Variants in PHACTR1 observed in about 807,000 individuals in gnomAD.
The protein encoded by PHACTR1 is RPEL repeat containing 1.
In PHACTR1, 16 loss-of-function variants were observed where a neutral mutation model predicts 69.2. That is an observed-to-expected ratio of 0.23 (90% confidence interval 0.16 to 0.35). The LOEUF (loss-of-function observed/expected upper bound fraction) is 0.35. PHACTR1 is among the 10% of genes least tolerant of loss of function. The pLI is 1.00. For synonymous variants in PHACTR1, 312 were observed against 284.5 expected, an observed-to-expected ratio of 1.10 and a Z score of -0.97; for missense variants, 510 against 734.7, an observed-to-expected ratio of 0.69 and a Z score of 3.54.
Position 12,841,580 on chromosome 6 carries a change from A to G in PHACTR1, c.250+91790A>G, listed in dbSNP as rs1406360685. 3.3e-5 allele frequency among the ~76,000 whole-genome samples: 5 copies of G among 152,360 alleles called. No homozygotes were observed. In the East Asian group the frequency reaches 9.6e-4, roughly 29 times the overall value. On this transcript the variant is annotated intron_variant, in intron 4 of 14. Coordinates refer to ENST00000332995, the MANE Select transcript of PHACTR1 (RefSeq NM_030948.6). Reference sequence around the variant, plus strand: ...AAGAAATATTTTTTAAATGCTGATGACTAAATGGAAAATCAAATTTCCAGC... The same window carrying G: ...AAGAAATATTTTTTAAATGCTGATGGCTAAATGGAAAATCAAATTTCCAGC...
chr6:13,210,148 C>T (rs751542321), intron 8 of PHACTR1, among the ~76,000 whole-genome samples: 17 of 152,208 alleles, frequency 1.1e-4, no homozygotes, highest in Middle Eastern at 3.4e-3. Context: ...GCTGGGATCA[C>T]GGGTGCACGC....
chr6:13,008,264 C>A (rs1259762068), intron 4 of PHACTR1, among the ~76,000 whole-genome samples: 2 of 152,148 alleles, frequency 1.3e-5, no homozygotes, highest in African/African-American at 4.8e-5. Context: ...GCGGGGCAAT[C>A]AAAGCTTGTC....
chr6:13,052,972 G>C (rs1270205896), intron 4 of PHACTR1, among the ~76,000 whole-genome samples: 1 of 152,228 alleles, frequency 6.6e-6, no homozygotes, highest in African/African-American at 2.4e-5. Context: ...TCAGTAGACA[G>C]TGCTGTAGTG....
chr6:13,003,044 GT>G (rs1798280102), intron 4 of PHACTR1, among the ~76,000 whole-genome samples: 1 of 152,132 alleles, frequency 6.6e-6, no homozygotes, highest in Non-Finnish European at 1.5e-5. Context: ...AGATTTGAAG[GT>G]TTATCTTCAT....
intron 4 of PHACTR1, among the ~76,000 whole-genome samples, chr6:12,925,389 C>T (rs571345000): frequency 6.6e-6 from 1 of 152,170 alleles, no homozygotes; most frequent in Non-Finnish European, 1.5e-5. Flanking sequence ...CTCGTTAAAC[C>T]TAAGAACACT....
chr6:13,183,980 C>T (rs774734050), intron 7 of PHACTR1, among the ~76,000 whole-genome samples: 1 of 152,136 alleles, frequency 6.6e-6, no homozygotes. Context: ...CAATGCAGTG[C>T]AAAGAGAAAT....
chr6:13,128,793 C>T (rs1387975616), intron 5 of PHACTR1, among the ~76,000 whole-genome samples: 6 of 152,126 alleles, frequency 3.9e-5, no homozygotes, highest in Non-Finnish European at 5.9e-5. Context: ...ATACAAAAAG[C>T]TCAAAGAACA....
At chr6:12,729,886 A>ACG (rs1377507735) in intron 3 of PHACTR1, among the ~76,000 whole-genome samples, 4 of 152,164 alleles carry the variant, frequency 2.6e-5, no homozygotes, top group African/African-American at 9.7e-5. Context: ...AAGTAGGTAG[A>ACG]CAGAGAGTGA....
intron 4 of PHACTR1, among the ~76,000 whole-genome samples, chr6:12,811,785 C>T (rs960323804): frequency 2.6e-5 from 4 of 152,120 alleles, no homozygotes; most frequent in Non-Finnish European, 4.4e-5. Context: ...TGTTCTGCCT[C>T]TGACTGCCTA....
chr6:12,749,389 A>G lies in PHACTR1; in HGVS notation c.104-255A>G, dbSNP rs759845798. 53 of 544,648 alleles carry G rather than the reference A, an allele frequency of 9.7e-5. 1 individual carries two copies. The highest frequency in any genetic ancestry group is 8.7e-4 in the South Asian group (52 of 59,928). The allele number at this position is 544,648 out of a possible 1,614,324, so 33.7% of individuals were successfully genotyped here. Reference sequence around the variant, plus strand: ...GGAGCCCCGGGCGCCAGCCAGGGATAGCCTGATCTCTGCTCCAGTCCACAG... The same window carrying G: ...GGAGCCCCGGGCGCCAGCCAGGGATGGCCTGATCTCTGCTCCAGTCCACAG... On this transcript the variant is annotated intron_variant, in intron 3 of 14. Transcript: ENST00000332995.
intron 5 of PHACTR1, among the ~76,000 whole-genome samples, chr6:13,127,186 G>C (rs375090688): frequency 4.3e-4 from 66 of 152,292 alleles, no homozygotes; most frequent in African/African-American, 1.4e-3. Flanking sequence ...TCTGGGCCTC[G>C]ATCTCCTTTG....
At chr6:13,082,620 A>G (rs1313433787) in intron 5 of PHACTR1, among the ~76,000 whole-genome samples, 1 of 152,156 alleles carries the variant, frequency 6.6e-6, no homozygotes, top group Admixed American at 6.5e-5. Context: ...TTGTTTCCTG[A>G]CTTATTAATG....
In PHACTR1 at chr6:13,270,965, A is replaced by AAG. The variant is rs144497419; in HGVS notation, c.1392-1880_1392-1879dup. On this transcript the variant is annotated intron_variant, in intron 10 of 14. Coordinates refer to ENST00000332995, the MANE Select transcript of PHACTR1 (RefSeq NM_030948.6). ...CACATCACATGGCAAAAGCAGGAGCAAGAGAGAGAGAGAGAGTGAGCAGGG... is the reference window on the plus strand; with the variant it reads ...CACATCACATGGCAAAAGCAGGAGCAAGAGAGAGAGAGAGAGAGTGAGCAGGG... 1.0e-4 allele frequency among the ~76,000 whole-genome samples: 15 copies of AAG among 149,898 alleles called. No homozygotes were observed. The South Asian group carries it at 1.0e-3, about 10-fold the overall frequency.
chr6:12,774,349 G>A (rs1465914265), intron 4 of PHACTR1, among the ~76,000 whole-genome samples: 4 of 152,068 alleles, frequency 2.6e-5, no homozygotes, highest in African/African-American at 9.7e-5. Context: ...AAGGAAATAT[G>A]TTCAAATCAA....
intron 8 of PHACTR1, among the ~76,000 whole-genome samples, chr6:13,215,578 T>C (rs1174768199): frequency 6.6e-6 from 1 of 152,184 alleles, no homozygotes; most frequent in Admixed American, 6.5e-5. Context: ...TGACGTAACA[T>C]TGTAATCAGA....
chr6:12,935,217 G>A (rs535619796), intron 4 of PHACTR1, among the ~76,000 whole-genome samples: 36 of 152,208 alleles, frequency 2.4e-4, no homozygotes, highest in Non-Finnish European at 4.9e-4. Flanking sequence ...AAAGTATGAT[G>A]TAACTTATAC....
rs1768011947 is a variant in PHACTR1 at position 13,218,442 on chromosome 6, GAAAGT to G, written c.987-9368_987-9364del. On this transcript the variant is annotated intron_variant, in intron 8 of 14. Transcript: ENST00000332995. ...GGCATTCATTCCTGTATGAAAGACT[GAAAGT>G]AAAGTCTGGGCCTTACCCTTATCCA... Among the ~76,000 whole-genome samples, 3 of 152,316 alleles carry G rather than the reference GAAAGT, an allele frequency of 2.0e-5. No individual in the cohort carries two copies. The South Asian group carries it at 6.2e-4, about 32-fold the overall frequency.
chr6:13,255,469 C>T (rs2127407075), intron 10 of PHACTR1, among the ~76,000 whole-genome samples: 1 of 152,318 alleles, frequency 6.6e-6, no homozygotes, highest in South Asian at 2.1e-4. Flanking sequence ...CCACCAATCC[C>T]CAGTCTTCAC....
chr6:13,182,443 C>T (rs1762294827), intron 6 of PHACTR1, 76 bp from the exon 7 acceptor site: 4 of 1,487,642 alleles, frequency 2.7e-6, no homozygotes, highest in African/African-American at 2.8e-5. Flanking sequence ...CATCTAGACT[C>T]AGCAGGCGGG....
Sources: gnomAD v4.1 joint callset for allele counts (sites outside exome capture counted in the v4.1 genomes callset) on GRCh38, gnomAD v4.1.1 for gene constraint, MANE v1.5 for transcripts, NCBI Gene and HGNC (gene_info 2026-07-23, HGNC 2026-07-21) for gene names.